Variants in TOX observed in about 807,000 individuals in gnomAD.
TOX encodes thymocyte selection associated high mobility group box.
TOX carries 11 observed loss-of-function variants against 53.7 expected under a neutral mutation model. The ratio of observed to expected loss-of-function variants is 0.20; its 90% CI spans 0.13 to 0.34. The LOEUF (loss-of-function observed/expected upper bound fraction) is 0.34. Ranked by LOEUF, TOX falls within the 10% of genes least tolerant of loss-of-function variation. TOX has a pLI of 1.00. For missense variants in TOX, 570 were observed against 664.6 expected (o/e 0.86, Z 1.56); for synonymous variants, 225 against 245.3 (o/e 0.92, Z 0.77).
At chr8:58,994,932 G>A (rs1034294861) in intron 1 of TOX, among the ~76,000 whole-genome samples, 1 of 152,100 alleles carries the variant, frequency 6.6e-6, no homozygotes, top group Admixed American at 6.5e-5. Flanking sequence ...CTTCCATATC[G>A]TGATGCCTTC....
chr8:59,091,250 C>G (rs1477161571), intron 1 of TOX, among the ~76,000 whole-genome samples: 1 of 152,164 alleles, frequency 6.6e-6, no homozygotes, highest in Non-Finnish European at 1.5e-5. Flanking sequence ...ACCAAGTTGC[C>G]AATAATGTCC....
At chr8:58,841,446 C>T (rs1475428022) in intron 4 of TOX, among the ~76,000 whole-genome samples, 1 of 152,084 alleles carries the variant, frequency 6.6e-6, no homozygotes, top group Non-Finnish European at 1.5e-5. Flanking sequence ...AACATGGCCA[C>T]TCTTACATTC....
At chr8:58,998,756 A>G (rs982944182) in intron 1 of TOX, among the ~76,000 whole-genome samples, 5 of 151,610 alleles carry the variant, frequency 3.3e-5, no homozygotes, top group Admixed American at 2.0e-4. Context: ...TTCACTGCCT[A>G]CAAAGATTCT....
intron 2 of TOX, among the ~76,000 whole-genome samples, chr8:58,948,928 T>C (rs1812572067): frequency 6.6e-6 from 1 of 152,212 alleles, no homozygotes; most frequent in Non-Finnish European, 1.5e-5. Context: ...TAGTGCATAT[T>C]TGCTAGTTGG....
At chr8:58,956,562 C>G (rs1403785298) in intron 2 of TOX, among the ~76,000 whole-genome samples, 1 of 152,172 alleles carries the variant, frequency 6.6e-6, no homozygotes, top group Non-Finnish European at 1.5e-5. Context: ...GTGGCAAGAA[C>G]AGCTAAAATG....
intron 3 of TOX, among the ~76,000 whole-genome samples, chr8:58,877,688 AAAAC>A (rs1341065709): frequency 2.6e-5 from 4 of 152,216 alleles, no homozygotes; most frequent in Admixed American, 2.0e-4. Flanking sequence ...TGTACTTCAC[AAAAC>A]AAACAGTCTC....
At chr8:58,850,950 T>G (rs188124764) in intron 4 of TOX, among the ~76,000 whole-genome samples, 35 of 152,192 alleles carry the variant, frequency 2.3e-4, no homozygotes, top group African/African-American at 8.2e-4. Context: ...TCAGATAACT[T>G]AAAAGAATGG....
intron 1 of TOX, among the ~76,000 whole-genome samples, chr8:59,077,300 C>T (rs1395853354): frequency 1.3e-5 from 2 of 152,238 alleles, no homozygotes; most frequent in Non-Finnish European, 2.9e-5. Context: ...TTCAGATACC[C>T]AATGCCTATG....
chr8:59,012,493 C>T (rs1813925194), intron 1 of TOX, among the ~76,000 whole-genome samples: 1 of 151,340 alleles, frequency 6.6e-6, no homozygotes, highest in Admixed American at 6.6e-5. Context: ...CTGGCAGAAG[C>T]CTCAGGCCTA....
At chr8:58,978,568 T>G (rs1479085313) in intron 1 of TOX, among the ~76,000 whole-genome samples, 2 of 151,906 alleles carry the variant, frequency 1.3e-5, no homozygotes, top group African/African-American at 2.4e-5. Flanking sequence ...AATAGCATAT[T>G]GGTTAGTTTT....
intron 1 of TOX, among the ~76,000 whole-genome samples, chr8:59,023,019 T>C (rs1380758498): frequency 6.6e-6 from 1 of 152,172 alleles, no homozygotes; most frequent in African/African-American, 2.4e-5. Flanking sequence ...TCTAACTCCT[T>C]TCATAAACAG....
intron 3 of TOX, among the ~76,000 whole-genome samples, chr8:58,869,225 C>CAAAAAA (rs59540993): frequency 1.1e-5 from 1 of 90,844 alleles, no homozygotes; most frequent in African/African-American, 4.3e-5. Flanking sequence ...GACTGCGTCT[C>CAAAAAA]AAAAAAAAAA....
At chr8:59,068,212 CTGAACGG>C (rs1322266481) in intron 1 of TOX, among the ~76,000 whole-genome samples, 1 of 152,046 alleles carries the variant, frequency 6.6e-6, no homozygotes, top group African/African-American at 2.4e-5. Flanking sequence ...CTCATTAACT[CTGAACGG>C]TGAAAATAAT....
chr8:58,965,836 C>T (rs1812885487), intron 1 of TOX, among the ~76,000 whole-genome samples: 1 of 148,556 alleles, frequency 6.7e-6, no homozygotes, highest in Admixed American at 6.8e-5. Flanking sequence ...GGCTAATATC[C>T]CCAAAACAAA....
At chr8:58,940,301 A>G (rs1269315289) in intron 2 of TOX, among the ~76,000 whole-genome samples, 1 of 152,104 alleles carries the variant, frequency 6.6e-6, no homozygotes, top group Admixed American at 6.5e-5. Context: ...TTCTGGAATA[A>G]AAGCCAGCAG....
At chr8:59,041,035 T>G (rs1223436864) in intron 1 of TOX, among the ~76,000 whole-genome samples, 1 of 151,668 alleles carries the variant, frequency 6.6e-6, no homozygotes, top group Non-Finnish European at 1.5e-5. Flanking sequence ...CAGGGAGACC[T>G]TTGACCATCA....
intron 1 of TOX, among the ~76,000 whole-genome samples, chr8:59,102,634 C>A (rs1037929226): frequency 5.3e-5 from 8 of 152,160 alleles, no homozygotes; most frequent in African/African-American, 1.9e-4. Flanking sequence ...CCCACCAGGT[C>A]TCTCCCACAA....
At chr8:58,923,532 T>C (rs929041635) in intron 3 of TOX, among the ~76,000 whole-genome samples, 3 of 152,186 alleles carry the variant, frequency 2.0e-5, no homozygotes, top group Non-Finnish European at 4.4e-5. Flanking sequence ...CTCCCTGTCA[T>C]TCATTAATCA....
intron 1 of TOX, among the ~76,000 whole-genome samples, chr8:59,009,871 G>C (rs1306205797): frequency 6.6e-6 from 1 of 152,190 alleles, no homozygotes; most frequent in Non-Finnish European, 1.5e-5. Context: ...CACCAGCAAA[G>C]GGAGATGTGA....
Sources: gnomAD v4.1 joint callset for allele counts (sites outside exome capture counted in the v4.1 genomes callset) on GRCh38, gnomAD v4.1.1 for gene constraint, MANE v1.5 for transcripts, NCBI Gene and HGNC (gene_info 2026-07-23, HGNC 2026-07-21) for gene names.